The following RXFP1 variants were observed in gnomAD, a reference collection of about 807,000 sequenced individuals.
The protein encoded by RXFP1 is relaxin family peptide receptor 1.
A neutral mutation model predicts 89.8 loss-of-function variants in RXFP1; 73 were observed. The observed-to-expected ratio is 0.81, with a 90% CI of 0.67 to 0.99. RXFP1 has a LOEUF of 0.99. Among genes scored for constraint, RXFP1 ranks in the 50% least tolerant of loss-of-function variants. The probability of loss-of-function intolerance (pLI) is 0.00; values close to 1 mark genes in which losing one functional copy is unlikely to be tolerated. For synonymous variants in RXFP1, 277 were observed against 305.5 expected, an observed-to-expected ratio of 0.91 and a Z score of 0.97; for missense variants, 793 against 895.5, an observed-to-expected ratio of 0.89 and a Z score of 1.46.
chr4:158,642,036 G>T (rs183644123), intron 14 of RXFP1, among the ~76,000 whole-genome samples: 1 of 152,092 alleles, frequency 6.6e-6, no homozygotes, highest in East Asian at 1.9e-4. Context: ...GCTTTATTAT[G>T]TACCAAAATC....
At chr4:158,568,086 C>T (rs1321717746) in intron 1 of RXFP1, among the ~76,000 whole-genome samples, 1 of 152,166 alleles carries the variant, frequency 6.6e-6, no homozygotes, top group Non-Finnish European at 1.5e-5. Context: ...CCTTTATGAG[C>T]TGTAATACTC....
intron 1 of RXFP1, among the ~76,000 whole-genome samples, chr4:158,531,108 C>T (rs1743935158): frequency 6.6e-6 from 1 of 152,164 alleles, no homozygotes; most frequent in Admixed American, 6.5e-5. Context: ...GCAATCTTGG[C>T]TCACTGCAAA....
intron 4 of RXFP1, among the ~76,000 whole-genome samples, chr4:158,601,868 T>A (rs1761748561): frequency 6.6e-6 from 1 of 152,252 alleles, no homozygotes; most frequent in African/African-American, 2.4e-5. Flanking sequence ...TGATTATTTT[T>A]ACTTTTTTCT....
chr4:158,557,164 T>C (rs1327934580), intron 1 of RXFP1, among the ~76,000 whole-genome samples: 1 of 152,212 alleles, frequency 6.6e-6, no homozygotes, highest in Non-Finnish European at 1.5e-5. Flanking sequence ...AACATAGATA[T>C]ATATGGAAAA....
chr4:158,609,551 A>G (rs1580033874), intron 6 of RXFP1, among the ~76,000 whole-genome samples: 1 of 152,310 alleles, frequency 6.6e-6, no homozygotes, highest in East Asian at 1.9e-4. Flanking sequence ...TTTTCCACCT[A>G]TACTGTTCTG....
chr4:158,544,077 G>T, intron 1 of RXFP1: 2 of 982,048 alleles, frequency 2.0e-6, no homozygotes, highest in Non-Finnish European at 1.2e-6. Context: ...TCTATAAAGA[G>T]AAGAACTAAC....
intron 1 of RXFP1, among the ~76,000 whole-genome samples, chr4:158,564,520 G>A (rs557757003): frequency 6.6e-6 from 1 of 152,192 alleles, no homozygotes; most frequent in African/African-American, 2.4e-5. Context: ...AAGCCAGAGA[G>A]ACTCCATGAC....
At chr4:158,585,982 A>G (rs1561069427) in intron 2 of RXFP1, among the ~76,000 whole-genome samples, 2 of 152,360 alleles carry the variant, frequency 1.3e-5, no homozygotes. Context: ...CTGTCCTCCA[A>G]TGCAATGTGA....
At chr4:158,527,219 ATATAAT>A (rs1396167430) in intron 1 of RXFP1, among the ~76,000 whole-genome samples, 2 of 152,150 alleles carry the variant, frequency 1.3e-5, no homozygotes, top group Non-Finnish European at 2.9e-5. Flanking sequence ...CTAAGAGGCC[ATATAAT>A]TATATGAGTT....
intron 9 of RXFP1, among the ~76,000 whole-genome samples, chr4:158,624,581 A>C (rs975666609): frequency 5.9e-5 from 9 of 152,178 alleles, no homozygotes; most frequent in Non-Finnish European, 1.2e-4. Context: ...ACAGTAAAAA[A>C]TAGAAATAAA....
chr4:158,643,229 T>C (rs1770731419), intron 14 of RXFP1, among the ~76,000 whole-genome samples: 1 of 152,188 alleles, frequency 6.6e-6, no homozygotes, highest in Non-Finnish European at 1.5e-5. Flanking sequence ...CTTGCTTTTC[T>C]ATGTCTGCAG....
chr4:158,563,496 GCACA>G (rs145181248), intron 1 of RXFP1, among the ~76,000 whole-genome samples: 33,358 of 142,150 alleles, frequency 0.23, 4,863 homozygotes, highest in African/African-American at 0.43. Context: ...AGAATTCAAT[GCACA>G]CACACACACA....
intron 9 of RXFP1, among the ~76,000 whole-genome samples, chr4:158,625,058 C>T (rs561398800): frequency 1.4e-5 from 2 of 141,262 alleles, no homozygotes; most frequent in South Asian, 2.1e-4. Flanking sequence ...CCTCATTAAG[C>T]GCATTTTGTG....
At chr4:158,566,202 A>G (rs1247010045) in intron 1 of RXFP1, among the ~76,000 whole-genome samples, 4 of 152,144 alleles carry the variant, frequency 2.6e-5, no homozygotes, top group Non-Finnish European at 5.9e-5. Flanking sequence ...TAATGGTTCT[A>G]TTTACATAGG....
chr4:158,645,935 C>A (rs1771454492), intron 15 of RXFP1, among the ~76,000 whole-genome samples: 1 of 152,074 alleles, frequency 6.6e-6, no homozygotes, highest in South Asian at 2.1e-4. Flanking sequence ...TTGCTAGCTA[C>A]AAAATTTTTA....
intron 1 of RXFP1, among the ~76,000 whole-genome samples, chr4:158,567,414 A>T (rs1435915479): frequency 6.6e-6 from 1 of 152,192 alleles, no homozygotes; most frequent in Admixed American, 6.5e-5. Context: ...AGGGATTGTA[A>T]ATACACCAAT....
intron 8 of RXFP1, among the ~76,000 whole-genome samples, chr4:158,616,430 A>C (rs1339907708): frequency 1.3e-4 from 20 of 152,048 alleles, no homozygotes; most frequent in Admixed American, 1.3e-3. Context: ...ACTCTGTCTC[A>C]AACGAAATAA....
At chr4:158,613,124 C>A (rs764309264) in intron 8 of RXFP1, among the ~76,000 whole-genome samples, 2 of 152,150 alleles carry the variant, frequency 1.3e-5, no homozygotes, top group African/African-American at 2.4e-5. Flanking sequence ...AATGTGCATA[C>A]CTTAATTTTA....
intron 9 of RXFP1, among the ~76,000 whole-genome samples, chr4:158,620,051 C>T (rs552358003): frequency 1.3e-5 from 2 of 152,172 alleles, no homozygotes; most frequent in Admixed American, 6.5e-5. Flanking sequence ...TTTACAACTT[C>T]CAAACAGAGA....
Sources: gnomAD v4.1 joint callset for allele counts (sites outside exome capture counted in the v4.1 genomes callset) on GRCh38, gnomAD v4.1.1 for gene constraint, MANE v1.5 for transcripts, NCBI Gene and HGNC (gene_info 2026-07-23, HGNC 2026-07-21) for gene names.